The following ADCY8 variants were observed in gnomAD, a reference collection of about 807,000 sequenced individuals.
ADCY8 encodes the protein adenylate cyclase type 8.
In ADCY8, 51 loss-of-function variants were observed where a neutral mutation model predicts 119.7. The ratio of observed to expected loss-of-function variants is 0.43; its 90% CI spans 0.34 to 0.54. The LOEUF is 0.54. Among genes scored for constraint, ADCY8 ranks in the 20% least tolerant of loss-of-function variants. ADCY8 has a pLI of 0.03. For synonymous variants in ADCY8, 665 were observed against 651.0 expected (o/e 1.02, Z -0.33); for missense variants, 1,383 against 1,598.8 (o/e 0.87, Z 2.30).
At chr8:130,852,071 A>G (rs930640672) in intron 9 of ADCY8, among the ~76,000 whole-genome samples, 1 of 152,156 alleles carries the variant, frequency 6.6e-6, no homozygotes, top group African/African-American at 2.4e-5. Flanking sequence ...AAGACAGCAA[A>G]GGGAGTTTAT....
chr8:130,966,218 C>T (rs573513239), intron 2 of ADCY8, among the ~76,000 whole-genome samples: 4 of 152,164 alleles, frequency 2.6e-5, no homozygotes, highest in Non-Finnish European at 5.9e-5. Context: ...GCTTCCTCAT[C>T]CCCTCTCACT....
At chr8:130,821,145 A>C (rs2130197396) in intron 13 of ADCY8, among the ~76,000 whole-genome samples, 197 bp downstream of exon 13, 1 of 152,374 alleles carries the variant, frequency 6.6e-6, no homozygotes, top group Non-Finnish European at 1.5e-5. Flanking sequence ...TCCAAAGGTC[A>C]TTAAAACCAC....
chr8:130,911,940 T>G (rs1206763262), intron 5 of ADCY8, among the ~76,000 whole-genome samples: 2 of 152,192 alleles, frequency 1.3e-5, no homozygotes, highest in African/African-American at 4.8e-5. Flanking sequence ...GTGCCTTAGT[T>G]ATTCTTCTCA....
intron 12 of ADCY8, among the ~76,000 whole-genome samples, chr8:130,828,873 A>G (rs1229666413): frequency 6.6e-6 from 1 of 152,204 alleles, no homozygotes; most frequent in African/African-American, 2.4e-5. Context: ...TGAACACTTT[A>G]GCACAGGTGA....
chr8:130,855,428 T>C (rs1477994114), intron 9 of ADCY8, among the ~76,000 whole-genome samples: 1 of 152,016 alleles, frequency 6.6e-6, no homozygotes, highest in Non-Finnish European at 1.5e-5. Context: ...CCTCGCTAGG[T>C]AAGGTTGGGG....
chr8:130,989,420 T>G (rs1231785687), intron 2 of ADCY8, among the ~76,000 whole-genome samples: 1 of 151,796 alleles, frequency 6.6e-6, no homozygotes, highest in East Asian at 1.9e-4. Context: ...TGCTACTTTC[T>G]TTATGATTTT....
At chr8:130,893,839 T>C (rs754265310) in intron 7 of ADCY8, among the ~76,000 whole-genome samples, 3 of 149,978 alleles carry the variant, frequency 2.0e-5, no homozygotes, top group Admixed American at 1.3e-4. Flanking sequence ...TGGGTGTGCA[T>C]GTTTGTGTGT....
At chr8:130,798,037 T>C (rs1262029726) in intron 15 of ADCY8, among the ~76,000 whole-genome samples, 2 of 152,224 alleles carry the variant, frequency 1.3e-5, no homozygotes, top group East Asian at 1.9e-4. Context: ...TTGCTCATTT[T>C]TAAAATGAAG....
chr8:130,920,460 C>T (rs62518121), intron 5 of ADCY8, among the ~76,000 whole-genome samples: 19,402 of 152,228 alleles, frequency 0.13, 1,417 homozygotes, highest in Non-Finnish European at 0.17. Flanking sequence ...GACTCCCCTG[C>T]CCACAAACCT....
rs762434766 is a variant in ADCY8 at position 131,040,353 on chromosome 8, G to A, written c.-20C>T. On this transcript the variant is annotated 5_prime_UTR_variant, in exon 1 of 18. Coordinates refer to ENST00000286355, the MANE Select transcript of ADCY8 (RefSeq NM_001115.3). ...CTCCATGGCTCTGGGCCGCAGGGAA[G>A]GAGGCCCAGAACCTTGGGGAGGCAG... 6.8e-7 allele frequency: 1 copy of A among 1,474,464 alleles called. No individual in the cohort carries two copies. 91.3% of individuals were successfully genotyped at this position (1,474,464 alleles called of 1,614,324 possible).
At chr8:130,921,444 C>CCTTT (rs1563729431) in intron 5 of ADCY8, among the ~76,000 whole-genome samples, 2 of 132,564 alleles carry the variant, frequency 1.5e-5, no homozygotes. Flanking sequence ...TTTTCTTTTT[C>CCTTT]TTTTCTTTTT....
At chr8:130,943,783 T>C (rs1445939292) in intron 3 of ADCY8, among the ~76,000 whole-genome samples, 2 of 152,162 alleles carry the variant, frequency 1.3e-5, no homozygotes, top group African/African-American at 4.8e-5. Flanking sequence ...AAAAGCAAGA[T>C]GAAACTTTAT....
chr8:130,914,427 T>C (rs1050395935), intron 5 of ADCY8, among the ~76,000 whole-genome samples: 2 of 152,208 alleles, frequency 1.3e-5, no homozygotes, highest in African/African-American at 2.4e-5. Context: ...TTTATTTTCC[T>C]CTACAAAACA....
chr8:130,921,449 C>CTTTTT (rs35570520), intron 5 of ADCY8, among the ~76,000 whole-genome samples: 90 of 107,536 alleles, frequency 8.4e-4, no homozygotes, highest in Middle Eastern at 5.2e-3. Context: ...TTTTTCTTTT[C>CTTTTT]TTTTTTTTTT....
intron 12 of ADCY8, among the ~76,000 whole-genome samples, chr8:130,822,911 G>C (rs554726469): frequency 2.0e-5 from 3 of 152,280 alleles, no homozygotes; most frequent in African/African-American, 7.2e-5. Flanking sequence ...CACAGTGCCT[G>C]GCCCACATTT....
rs10572208 is a variant in ADCY8, at chr8:130,926,940, C to CATATATATATATATATATATATAT, written c.1481+10132_1481+10133insATATATATATATATATATATATAT. ...TTTATGGTGTAATAGTATTCCATTA[C>CATATATATATATATATATATATAT]ATATATATATATATATATATACACA... On this transcript the variant is annotated intron_variant, in intron 5 of 17. Coordinates refer to ENST00000286355, the MANE Select transcript of ADCY8 (RefSeq NM_001115.3). 2.2e-3 allele frequency among the ~76,000 whole-genome samples: 324 copies of CATATATATATATATATATATATAT among 144,954 alleles called. 1 individual carries two copies. Among genetic ancestry groups the CATATATATATATATATATATATAT allele is most frequent in the African/African-American group, 7.9e-3 (302 of 38,014 alleles).
At chr8:130,959,635 T>C (rs553468335) in intron 2 of ADCY8, among the ~76,000 whole-genome samples, 1 of 152,236 alleles carries the variant, frequency 6.6e-6, no homozygotes, top group South Asian at 2.1e-4. Flanking sequence ...AAATGGTTCA[T>C]CGAGAGTCCA....
At chr8:130,927,295 G>A (rs1288642272) in intron 5 of ADCY8, among the ~76,000 whole-genome samples, 2 of 152,122 alleles carry the variant, frequency 1.3e-5, no homozygotes, top group African/African-American at 2.4e-5. Context: ...TCTAATAGGT[G>A]TGAAGTGATA....
At chr8:131,033,507 C>G (rs954957932) in intron 1 of ADCY8, among the ~76,000 whole-genome samples, 11 of 152,156 alleles carry the variant, frequency 7.2e-5, no homozygotes, top group Non-Finnish European at 1.2e-4. Flanking sequence ...CTTCCCAGTT[C>G]TAATCTAATT....
Sources: allele counts gnomAD v4.1 joint callset (sites outside exome capture counted in the v4.1 genomes callset), GRCh38; gene constraint gnomAD v4.1.1; transcripts MANE v1.5; gene names NCBI Gene and HGNC (gene_info 2026-07-23, HGNC 2026-07-21).